ANKS1B: variants seen among roughly 807,000 people sequenced by gnomAD.
ANKS1B encodes the protein ankyrin repeat and sterile alpha motif domain-containing protein 1B.
A neutral mutation model predicts 148.3 loss-of-function variants in ANKS1B; 36 were observed. The ratio of observed to expected loss-of-function variants is 0.24; its 90% CI spans 0.19 to 0.32. The LOEUF (loss-of-function observed/expected upper bound fraction) is 0.32, where lower values mean the gene tolerates loss of function less well. Ranked by LOEUF, ANKS1B falls within the 10% of genes least tolerant of loss-of-function variation. The pLI, the probability that ANKS1B is intolerant of heterozygous loss-of-function variation, is 1.00. For missense variants in ANKS1B, 1,157 were observed against 1,542.6 expected, an observed-to-expected ratio of 0.75 and a Z score of 4.19; for synonymous variants, 542 against 560.8, an observed-to-expected ratio of 0.97 and a Z score of 0.47.
intron 17 of ANKS1B, among the ~76,000 whole-genome samples, chr12:99,002,408 A>G (rs1402924013): frequency 6.6e-6 from 1 of 152,116 alleles, no homozygotes; most frequent in East Asian, 1.9e-4. Context: ...AGCGTACAAC[A>G]TGGTGTTTTG....
At chr12:99,449,903 CTATCTATCTA>C (rs2095700683) in intron 10 of ANKS1B, among the ~76,000 whole-genome samples, 2 of 28,602 alleles carry the variant, frequency 7.0e-5, no homozygotes, top group Non-Finnish European at 1.4e-4. Flanking sequence ...ATCTATCTAT[CTATCTATCTA>C]TCTATCTATC....
intron 17 of ANKS1B, among the ~76,000 whole-genome samples, chr12:98,880,943 C>T (rs751484468): frequency 6.6e-5 from 10 of 151,422 alleles, no homozygotes; most frequent in African/African-American, 1.5e-4. Flanking sequence ...AATTACAAAC[C>T]GAAAAAAAAT....
intron 1 of ANKS1B, among the ~76,000 whole-genome samples, chr12:99,856,555 C>G (rs1335201613): frequency 6.6e-6 from 1 of 152,018 alleles, no homozygotes; most frequent in Non-Finnish European, 1.5e-5. Flanking sequence ...CACCCTAACA[C>G]CAAAACCAGA....
At chr12:99,487,620 G>A (rs1437142166) in intron 10 of ANKS1B, among the ~76,000 whole-genome samples, 1 of 150,798 alleles carries the variant, frequency 6.6e-6, no homozygotes, top group Non-Finnish European at 1.5e-5. Context: ...CAATATGGGG[G>A]GGGGACATTT....
intron 17 of ANKS1B, among the ~76,000 whole-genome samples, chr12:98,873,917 G>A (rs933286292): frequency 2.0e-5 from 3 of 152,094 alleles, no homozygotes; most frequent in East Asian, 3.9e-4. Flanking sequence ...TGGGTGGGGG[G>A]AAAGGATGTT....
chr12:99,611,579 C>T (rs961351205), intron 9 of ANKS1B, among the ~76,000 whole-genome samples: 4 of 152,072 alleles, frequency 2.6e-5, no homozygotes, highest in Non-Finnish European at 4.4e-5. Context: ...GACAGGGCTT[C>T]GGGGCGTTTC....
At chr12:99,774,773 G>T (rs2063500189) in intron 7 of ANKS1B, among the ~76,000 whole-genome samples, 4 of 152,052 alleles carry the variant, frequency 2.6e-5, no homozygotes, top group Admixed American at 2.6e-4. Flanking sequence ...AATGCAATGT[G>T]TGTATACATT....
In ANKS1B at chr12:99,820,073, C is replaced by T. The variant is rs139493184; in HGVS notation, c.215+5236G>A. On this transcript the variant is annotated intron_variant, in intron 2 of 26. Coordinates refer to ENST00000683438, the MANE Select transcript of ANKS1B (RefSeq NM_001352186.2). ...ACAAAGAAATAGCTCTCTACTCTAT[C>T]TATGGAAATAATTTATAATACTTGC... Among the ~76,000 whole-genome samples the T allele has an allele frequency of 2.4e-3, 347 of 144,962 alleles. 1 individual carries two copies. The highest frequency in any genetic ancestry group is 8.4e-3 in the African/African-American group (326 of 38,776).
At chr12:99,834,092 T>A (rs537795848) in intron 1 of ANKS1B, among the ~76,000 whole-genome samples, 79 of 152,162 alleles carry the variant, frequency 5.2e-4, no homozygotes, top group Admixed American at 1.2e-3. Context: ...AAATTTAATT[T>A]AAAAAAGAAA....
chr12:98,975,196 C>T (rs537396694), intron 17 of ANKS1B, among the ~76,000 whole-genome samples: 2 of 136,326 alleles, frequency 1.5e-5, no homozygotes, highest in Non-Finnish European at 1.6e-5. Flanking sequence ...CCTCTTCCTT[C>T]CTCTTTCTTC....
chr12:99,248,168 T>C (rs1167744552), intron 12 of ANKS1B, among the ~76,000 whole-genome samples: 1 of 152,178 alleles, frequency 6.6e-6, no homozygotes, highest in Non-Finnish European at 1.5e-5. Context: ...TTTTAAGAAA[T>C]TGGCAACCAT....
chr12:98,890,584 CTT>C (rs914881979), intron 17 of ANKS1B, among the ~76,000 whole-genome samples: 6 of 152,150 alleles, frequency 3.9e-5, no homozygotes, highest in African/African-American at 1.4e-4. Flanking sequence ...GGAAATGAGA[CTT>C]TTATGAACGT....
At chr12:99,680,212 G>A (rs932047643) in intron 8 of ANKS1B, among the ~76,000 whole-genome samples, 1 of 152,214 alleles carries the variant, frequency 6.6e-6, no homozygotes, top group African/African-American at 2.4e-5. Flanking sequence ...AGACGAAGGT[G>A]GGTGGATCAC....
At chr12:99,394,470 C>T (rs1177767705) in intron 12 of ANKS1B, among the ~76,000 whole-genome samples, 2 of 152,136 alleles carry the variant, frequency 1.3e-5, no homozygotes, top group African/African-American at 4.8e-5. Flanking sequence ...CTTAAAACCA[C>T]CACATGAGGC....
At chr12:99,396,916 A>T (rs2094262905) in intron 12 of ANKS1B, among the ~76,000 whole-genome samples, 1 of 152,162 alleles carries the variant, frequency 6.6e-6, no homozygotes, top group African/African-American at 2.4e-5. Flanking sequence ...GTATCAAAGC[A>T]TCTGTCATTG....
chr12:99,710,527 G>A (rs538448311), intron 8 of ANKS1B, among the ~76,000 whole-genome samples: 8 of 152,222 alleles, frequency 5.3e-5, no homozygotes, highest in Non-Finnish European at 1.2e-4. Flanking sequence ...TGGGGGAAAT[G>A]AATTAGGTAA....
intron 21 of ANKS1B, 40 bp from the exon 22 acceptor site, chr12:98,799,045 T>C (rs1167499269): frequency 1.8e-5 from 26 of 1,416,730 alleles, no homozygotes; most frequent in Non-Finnish European, 2.4e-5. Context: ...TGAAATGGAA[T>C]ATACATATGA....
At chr12:99,096,707 C>T (rs892764688) in intron 15 of ANKS1B, among the ~76,000 whole-genome samples, 3 of 152,120 alleles carry the variant, frequency 2.0e-5, no homozygotes, top group Non-Finnish European at 4.4e-5. Flanking sequence ...TTTTTAACTC[C>T]ATTTTCTTCA....
intron 25 of ANKS1B, among the ~76,000 whole-genome samples, chr12:98,764,562 A>C (rs1465023557): frequency 6.6e-6 from 1 of 152,210 alleles, no homozygotes; most frequent in Non-Finnish European, 1.5e-5. Flanking sequence ...GACATGGGTC[A>C]CTCACCAGAT....
Sources: gnomAD v4.1 joint callset for allele counts (sites outside exome capture counted in the v4.1 genomes callset) on GRCh38, gnomAD v4.1.1 for gene constraint, MANE v1.5 for transcripts, NCBI Gene and HGNC (gene_info 2026-07-23, HGNC 2026-07-21) for gene names.